Variants in KLHL40 observed in about 807,000 individuals in gnomAD.
KLHL40 encodes kelch-like protein 40.
KLHL40 carries 44 observed loss-of-function variants against 49.7 expected under a neutral mutation model. The ratio of observed to expected loss-of-function variants is 0.89; its 90% CI spans 0.70 to 1.14. The LOEUF (loss-of-function observed/expected upper bound fraction) is 1.14, where lower values mean the gene tolerates loss of function less well. Ranked by LOEUF, KLHL40 falls within the 50% of genes most tolerant of loss-of-function variation. The probability of loss-of-function intolerance (pLI) is 0.00; values close to 1 mark genes in which losing one functional copy is unlikely to be tolerated. For synonymous variants in KLHL40, 409 were observed against 365.2 expected, an observed-to-expected ratio of 1.12 and a Z score of -1.37; for missense variants, 892 against 850.3, an observed-to-expected ratio of 1.05 and a Z score of -0.61.
intron 4 of KLHL40, among the ~76,000 whole-genome samples, chr3:42,689,505 A>G (rs1287572638): frequency 6.6e-6 from 1 of 151,850 alleles, no homozygotes; most frequent in Non-Finnish European, 1.5e-5. Context: ...GGCCTATAGG[A>G]GGGAAGGTGT....
At position 42,692,001 on chromosome 3, in the gene KLHL40, A is replaced by C. The variant is rs1414677172; in HGVS notation, c.*8A>C. ...TGCCTGACTAAGATGTGACCAGCTCAGGCAGACTGAACTAAGCACCCCTCC... is the reference window on the plus strand; with the variant it reads ...TGCCTGACTAAGATGTGACCAGCTCCGGCAGACTGAACTAAGCACCCCTCC... On this transcript the variant is annotated 3_prime_UTR_variant, in exon 6 of 6. Coordinates refer to ENST00000287777, the MANE Select transcript of KLHL40 (RefSeq NM_152393.4). The C allele has an allele frequency of 7.1e-6, 11 of 1,538,972 alleles. No individual in the cohort carries two copies. Among genetic ancestry groups the C allele is most frequent in the East Asian group, 2.3e-5 (1 of 44,434 alleles).
intron 1 of KLHL40, among the ~76,000 whole-genome samples, chr3:42,687,376 A>G (rs915505979): frequency 3.9e-5 from 6 of 152,142 alleles, no homozygotes; most frequent in African/African-American, 1.4e-4. Flanking sequence ...ACGGTAAGCA[A>G]GGGATAGAAC....
chr3:42,691,167 G>A (rs1485310941), intron 5 of KLHL40, among the ~76,000 whole-genome samples, 162 bp downstream of exon 5: 2 of 152,264 alleles, frequency 1.3e-5, no homozygotes, highest in East Asian at 1.9e-4. Context: ...ACCCTGCTTG[G>A]CCGTTTCTCA....
In KLHL40 at chr3:42,686,622, C is replaced by G; in HGVS notation, c.1004C>G (p.Ala335Gly). ...GGCGCTGTGGCCTACGATCCAGCAG[C>G]CAACGAGTGCTACTGTGCTTCCCTC... is the stretch of plus-strand genomic sequence containing the variant. ...EEGAVAYDPAANECYCASLSN... is the reference protein window; with the variant it reads ...EEGAVAYDPAGNECYCASLSN... The change falls in exon 1 of 6, where the codon GCC (alanine) becomes GGC (glycine). Residue 335 changes from alanine (A) to glycine (G), a missense_variant. By Grantham distance (60) the Ala-to-Gly change is moderately conservative (BLOSUM62 0). Transcript: ENST00000287777. 6.2e-7 allele frequency: 1 copy of G among 1,614,122 alleles called. No homozygotes were observed. Among genetic ancestry groups the G allele is most frequent in the Non-Finnish European group, 8.5e-7 (1 of 1,180,046 alleles).
rs572202483 is a variant in KLHL40, at chr3:42,687,738, G to A, written c.1153-404G>A. Among the ~76,000 whole-genome samples, 569 of 152,226 alleles carry A rather than the reference G, an allele frequency of 3.7e-3. 2 individuals are homozygous for A. The highest frequency in any genetic ancestry group is 0.013 in the African/African-American group (531 of 41,504). ...GTGGAGGTGGACAAGGCTGTGGACT[G>A]TAGATTTTACAGGGCGAAAAGGCAG... On this transcript the variant is annotated intron_variant, in intron 1 of 5. Transcript: ENST00000287777.
chr3:42,690,885 A>C lies in KLHL40; in HGVS notation c.1634A>C (p.Gln545Pro). ...NKWAPFEAFP[Q>P]ERSSLSLVSL... Reference sequence around the variant, plus strand: ...TGGGCACCCTTCGAGGCCTTCCCACAGGAGCGTAGCTCACTCAGCCTGGTC... The same window carrying C: ...TGGGCACCCTTCGAGGCCTTCCCACCGGAGCGTAGCTCACTCAGCCTGGTC... The change falls in exon 5 of 6, where the codon CAG (glutamine) becomes CCG (proline). Residue 545 changes from glutamine to proline, a missense_variant. Coordinates refer to ENST00000287777, the MANE Select transcript of KLHL40 (RefSeq NM_152393.4). The C allele has an allele frequency of 1.2e-6, 2 of 1,612,552 alleles. No homozygotes were observed. Among genetic ancestry groups the C allele is most frequent in the South Asian group, 2.2e-5 (2 of 90,960 alleles).
chr3:42,685,979 G>T lies in KLHL40; in HGVS notation c.361G>T (p.Val121Leu), dbSNP rs201494537. 5.0e-6 allele frequency: 8 copies of T among 1,611,814 alleles called. No homozygotes were observed. The highest frequency in any genetic ancestry group is 6.8e-6 in the Non-Finnish European group (8 of 1,179,972). ...GATCCCTTCCATCTTCACCATCTGCGTGTCCTTCCTGCAGAAGCGCCTGTG... is the reference window on the plus strand; with the variant it reads ...GATCCCTTCCATCTTCACCATCTGCTTGTCCTTCCTGCAGAAGCGCCTGTG... ...FQIPSIFTIC[V>L]SFLQKRLCLS... Residue 121 changes from valine (V) to leucine (L), a missense_variant, in exon 1 of 6, where the codon GTG becomes TTG. Val to Leu is a conservative substitution (Grantham distance 32). Transcript: ENST00000287777.
intron 4 of KLHL40, 55 bp from the exon 5 acceptor site, chr3:42,690,804 C>G: frequency 1.3e-6 from 2 of 1,531,242 alleles, no homozygotes; most frequent in Non-Finnish European, 1.8e-6. Context: ...GTGGCAGGGA[C>G]AGTCACTGGG....
chr3:42,688,598 C>T lies in KLHL40; in HGVS notation c.1314-12C>T, dbSNP rs201343745. 1.5e-4 allele frequency: 242 copies of T among 1,606,416 alleles called. 1 individual carries two copies. The African/African-American group carries it at 2.6e-3, about 17-fold the overall frequency. On this transcript the variant is annotated splice_polypyrimidine_tract_variant and intron_variant, in intron 2 of 5. Coordinates refer to ENST00000287777, the MANE Select transcript of KLHL40 (RefSeq NM_152393.4). This position sits in a 1 kb window ranked among gnomAD's most constrained non-coding sequence, Gnocchi z 4.2. ...GGGTGCCCTCCCCCACCCCCACTCC[C>T]GTCTCCTCCAGGTCATTCAAATGGG...
chr3:42,686,671 C>G lies in KLHL40; in HGVS notation c.1053C>G (p.His351Gln). The change falls in exon 1 of 6, where the codon CAC (histidine) becomes CAG (glutamine). Residue 351 changes from histidine (H) to glutamine (Q), a missense_variant. Coordinates refer to ENST00000287777, the MANE Select transcript of KLHL40 (RefSeq NM_152393.4). Reference protein sequence around the residue: ...ASLSNQVPKNHVSLVTKENQV... With the variant: ...ASLSNQVPKNQVSLVTKENQV... The stretch of plus-strand genomic sequence containing the variant: ...TCTCCAACCAGGTCCCCAAGAACCA[C>G]GTCAGCCTGGTTACCAAGGAGAACC... 1 of 1,613,878 alleles carries G rather than the reference C, an allele frequency of 6.2e-7. No individual in the cohort carries two copies. Among genetic ancestry groups the G allele is most frequent in the Non-Finnish European group, 8.5e-7 (1 of 1,180,010 alleles).
chr3:42,691,925 A>T lies in KLHL40; in HGVS notation c.1798A>T (p.Ile600Phe), dbSNP rs757840284. ...EKKWEGVLRE[I>F]AYAAGATFLP... is the part of the protein sequence containing the mutation. The stretch of plus-strand genomic sequence containing the variant: ...GAAATGGGAGGGTGTCCTGCGGGAG[A>T]TCGCCTATGCAGCAGGTGCCACCTT... The change falls in exon 6 of 6, where the codon ATC (isoleucine) becomes TTC (phenylalanine). Residue 600 changes from isoleucine to phenylalanine, a missense_variant. Transcript: ENST00000287777. 1 of 1,613,802 alleles carries T rather than the reference A, an allele frequency of 6.2e-7. No individual in the cohort carries two copies. The highest frequency in any genetic ancestry group is 1.1e-5 in the South Asian group (1 of 91,062).
At chr3:42,690,411 GTA>G (rs1262313109) in intron 4 of KLHL40, among the ~76,000 whole-genome samples, 1 of 152,220 alleles carries the variant, frequency 6.6e-6, no homozygotes, top group Non-Finnish European at 1.5e-5. Context: ...AGGAGCCAGG[GTA>G]GCGAAGATAC....
Position 42,688,795 on chromosome 3 carries a change from C to T in KLHL40, c.1422-74C>T. On this transcript the variant is annotated intron_variant, in intron 3 of 5. Transcript: ENST00000287777. The surrounding 1 kb of genome is among the most constrained non-coding windows in gnomAD (Gnocchi z 4.2). ...GCTGTCAGGGGTTTGTCCTGGCTGCCCCGGCAGGTGATTGCAGGGAGGCGT... is the reference window on the plus strand; with the variant it reads ...GCTGTCAGGGGTTTGTCCTGGCTGCTCCGGCAGGTGATTGCAGGGAGGCGT... 6.3e-7 allele frequency: 1 copy of T among 1,584,986 alleles called. No homozygotes were observed. Among genetic ancestry groups the T allele is most frequent in the Non-Finnish European group, 8.7e-7 (1 of 1,153,770 alleles).
rs141410201 is a variant in KLHL40, at chr3:42,689,634, G to A, written c.1607+580G>A. Among the ~76,000 whole-genome samples, 821 of 152,158 alleles carry A rather than the reference G, an allele frequency of 5.4e-3. 7 individuals are homozygous for A. Among genetic ancestry groups the A allele is most frequent in the African/African-American group, 0.019 (785 of 41,498 alleles). ...CTGTGTTCTACTAAAGTACTTCATG[G>A]CAACTGATATAGAGAGCAGATTAGG... is the stretch of plus-strand genomic sequence containing the variant. On this transcript the variant is annotated intron_variant, in intron 4 of 5. Transcript: ENST00000287777.
Position 42,691,922 on chromosome 3 carries a change from G to A in KLHL40, c.1795G>A (p.Glu599Lys), listed in dbSNP as rs764539039. ...EEKKWEGVLREIAYAAGATFL... is the reference protein window; with the variant it reads ...EEKKWEGVLRKIAYAAGATFL... Reference sequence around the variant, plus strand: ...GAAGAAATGGGAGGGTGTCCTGCGGGAGATCGCCTATGCAGCAGGTGCCAC... The same window carrying A: ...GAAGAAATGGGAGGGTGTCCTGCGGAAGATCGCCTATGCAGCAGGTGCCAC... Residue 599 changes from glutamate (E) to lysine (K), a missense_variant, in exon 6 of 6, where the codon GAG (glutamate) becomes AAG (lysine). Physicochemically the swap from Glu to Lys is moderately conservative, Grantham distance 56. Transcript: ENST00000287777. 1.2e-6 allele frequency: 2 copies of A among 1,613,866 alleles called. No homozygotes were observed. The highest frequency in any genetic ancestry group is 1.3e-5 in the African/African-American group (1 of 75,028).
chr3:42,688,720 G>A lies in KLHL40; in HGVS notation c.1421+3G>A. On this transcript the variant is annotated splice_donor_region_variant and intron_variant, in intron 3 of 5. Coordinates refer to ENST00000287777, the MANE Select transcript of KLHL40 (RefSeq NM_152393.4). The surrounding 1 kb of genome is among the most constrained non-coding windows in gnomAD (Gnocchi z 4.2). Reference sequence around the variant, plus strand: ...ATTGGCGGCAAAGGCAGTGACAGGTGAGGCTGGGCCTGGAGTGAGTCTGTG... The same window carrying A: ...ATTGGCGGCAAAGGCAGTGACAGGTAAGGCTGGGCCTGGAGTGAGTCTGTG... 6.2e-7 allele frequency: 1 copy of A among 1,611,764 alleles called. No individual in the cohort carries two copies. Among genetic ancestry groups the A allele is most frequent in the Non-Finnish European group, 8.5e-7 (1 of 1,177,898 alleles).
At chr3:42,689,197 G>A (rs1697324111) in intron 4 of KLHL40, 143 bp downstream of exon 4, 1 of 752,552 alleles carries the variant, frequency 1.3e-6, no homozygotes, top group Admixed American at 2.9e-5. Context: ...CTCCTGATCA[G>A]CAGTGAGGTG....
intron 4 of KLHL40, among the ~76,000 whole-genome samples, chr3:42,689,447 C>T (rs1161542892): frequency 6.6e-6 from 1 of 151,956 alleles, no homozygotes; most frequent in Non-Finnish European, 1.5e-5. Context: ...GGAGGTTGCC[C>T]CAGACTAAGG....
rs772361121 is a variant in KLHL40 at position 42,688,979 on chromosome 3, G to T, written c.1532G>T (p.Arg511Leu). 2.5e-6 allele frequency: 4 copies of T among 1,614,098 alleles called. No homozygotes were observed. The highest frequency in any genetic ancestry group is 1.1e-5 in the South Asian group (1 of 91,082). Residue 511 changes from arginine to leucine, a missense_variant, in exon 4 of 6, where the codon CGC becomes CTC. Physicochemically the swap from Arg to Leu is moderately radical, Grantham distance 102 (BLOSUM62 -2). Coordinates refer to ENST00000287777, the MANE Select transcript of KLHL40 (RefSeq NM_152393.4). This position sits in a 1 kb window ranked among gnomAD's most constrained non-coding sequence, Gnocchi z 4.2. ...TTTGGGGCCACTGTCCATGATGGCCGCATTATCGTGGCAGCTGGGGTCACC... is the reference window on the plus strand; with the variant it reads ...TTTGGGGCCACTGTCCATGATGGCCTCATTATCGTGGCAGCTGGGGTCACC... ...SLFGATVHDG[R>L]IIVAAGVTDT...
Sources: allele counts gnomAD v4.1 joint callset (sites outside exome capture counted in the v4.1 genomes callset), GRCh38; gene constraint gnomAD v4.1.1; non-coding constraint Gnocchi (gnomAD v3.1); transcripts MANE v1.5; gene names NCBI Gene and HGNC (gene_info 2026-07-23, HGNC 2026-07-21).